CSMD2: variants seen among roughly 807,000 people sequenced by gnomAD.
CSMD2 encodes the protein CUB and Sushi multiple domains 2, also known as CUB and sushi domain-containing protein 2.
In CSMD2, 130 loss-of-function variants were observed where a neutral mutation model predicts 398.5. That is an observed-to-expected ratio of 0.33 (90% CI 0.28 to 0.38). The LOEUF is 0.38. CSMD2 is among the 10% of genes least tolerant of loss of function. The pLI is 1.00. For missense variants in CSMD2, 3,829 were observed against 4,764.9 expected, an observed-to-expected ratio of 0.80 and a Z score of 5.78; for synonymous variants, 1,828 against 1,908.5, an observed-to-expected ratio of 0.96 and a Z score of 1.10.
intron 1 of CSMD2, among the ~76,000 whole-genome samples, chr1:34,150,079 C>CTTTTTTCTTTT (rs1640154825): frequency 7.2e-6 from 1 of 138,090 alleles, no homozygotes. Context: ...TTTCTTCTTT[C>CTTTTTTCTTTT]TTTTTTTTTT....
chr1:33,758,435 G>A (rs1649342085), intron 13 of CSMD2, among the ~76,000 whole-genome samples: 2 of 152,160 alleles, frequency 1.3e-5, no homozygotes. Flanking sequence ...TCTCACTCCA[G>A]CTGTGTTGGC....
At chr1:33,569,112 G>A (rs941343560) in intron 52 of CSMD2, among the ~76,000 whole-genome samples, 1 of 152,068 alleles carries the variant, frequency 6.6e-6, no homozygotes, top group Admixed American at 6.5e-5. Context: ...CAATAGGAAG[G>A]GATTGTCTTT....
intron 1 of CSMD2, among the ~76,000 whole-genome samples, chr1:34,150,985 G>A (rs547742113): frequency 9.2e-5 from 14 of 152,150 alleles, no homozygotes; most frequent in Non-Finnish European, 1.9e-4. Flanking sequence ...CTGATAAAGG[G>A]GGGGCGGGGG....
intron 25 of CSMD2, among the ~76,000 whole-genome samples, chr1:33,681,599 G>C (rs2149068165): frequency 6.6e-6 from 1 of 152,184 alleles, no homozygotes; most frequent in African/African-American, 2.4e-5. Flanking sequence ...ATCTCAGTTG[G>C]CTAAAAATTG....
chr1:33,647,215 C>T (rs1460448075), intron 28 of CSMD2, among the ~76,000 whole-genome samples: 8 of 152,194 alleles, frequency 5.3e-5, no homozygotes, highest in African/African-American at 1.9e-4. Context: ...ATACTGTGCT[C>T]TTCTGAACCT....
At chr1:33,699,166 A>C (rs1313235717) in intron 23 of CSMD2, among the ~76,000 whole-genome samples, 2 of 152,174 alleles carry the variant, frequency 1.3e-5, no homozygotes, top group Non-Finnish European at 2.9e-5. Context: ...TTCTGCTTTT[A>C]ATAGTTTTCA....
intron 3 of CSMD2, among the ~76,000 whole-genome samples, chr1:33,937,567 C>G (rs1373079938): frequency 6.6e-6 from 1 of 152,206 alleles, no homozygotes; most frequent in Non-Finnish European, 1.5e-5. Context: ...CCTCTACCAG[C>G]TCTGATGATC....
At chr1:33,714,799 G>T in intron 20 of CSMD2, 24 bp from the exon 21 acceptor site, 1 of 1,611,248 alleles carries the variant, frequency 6.2e-7, no homozygotes, top group Non-Finnish European at 8.5e-7. Context: ...AGGAGATCCG[G>T]GCTCAGAGAC....
intron 1 of CSMD2, among the ~76,000 whole-genome samples, chr1:34,144,437 G>C (rs1024578848): frequency 6.6e-6 from 1 of 152,128 alleles, no homozygotes; most frequent in African/African-American, 2.4e-5. Flanking sequence ...GGGCATTTGT[G>C]GGGAAATAAC....
At chr1:33,725,162 T>G (rs1464492352) in intron 17 of CSMD2, among the ~76,000 whole-genome samples, 187 bp downstream of exon 17, 1 of 152,108 alleles carries the variant, frequency 6.6e-6, no homozygotes, top group East Asian at 1.9e-4. Context: ...AACTCTAAGC[T>G]CCCATGACCT....
At chr1:33,772,854 T>G (rs1015245366) in intron 12 of CSMD2, 103 bp from the exon 13 acceptor site, 8 of 959,018 alleles carry the variant, frequency 8.3e-6, no homozygotes, top group Non-Finnish European at 1.1e-5. Flanking sequence ...CTGCCATAAG[T>G]CAGTGCTCAG....
At chr1:33,565,094 C>T (rs185321148) in intron 53 of CSMD2, among the ~76,000 whole-genome samples, 1 of 152,332 alleles carries the variant, frequency 6.6e-6, no homozygotes, top group African/African-American at 2.4e-5. Context: ...AGAGTTACTT[C>T]TCATGGTTCT....
chr1:33,582,309 A>T (rs997215384), intron 47 of CSMD2, among the ~76,000 whole-genome samples: 1 of 152,224 alleles, frequency 6.6e-6, no homozygotes, highest in Non-Finnish European at 1.5e-5. Flanking sequence ...AAGATGGCTC[A>T]TAGAGCATGA....
chr1:34,165,704 A>T (rs754667517), upstream of CSMD2: 12 of 1,591,766 alleles, frequency 7.5e-6, no homozygotes, highest in South Asian at 1.1e-5. Context: ...GTCTGGGAAA[A>T]GGTAACCAAA....
At chr1:33,661,167 G>C (rs1469716985) in intron 26 of CSMD2, among the ~76,000 whole-genome samples, 1 of 152,200 alleles carries the variant, frequency 6.6e-6, no homozygotes, top group Non-Finnish European at 1.5e-5. Flanking sequence ...AAATCTGTGG[G>C]TGAATTTGTC....
intron 4 of CSMD2, among the ~76,000 whole-genome samples, chr1:33,923,887 TCCTGTCCATGGAAACA>T: frequency 6.6e-6 from 1 of 152,104 alleles, no homozygotes; most frequent in Non-Finnish European, 1.5e-5. Context: ...ATCCCCCACC[TCCTGTCCATGGAAACA>T]TTGTCTTCCA....
Position 33,709,107 on chromosome 1 carries a change from G to A in CSMD2, c.3558C>T (p.Ser1186=), listed in dbSNP as rs749524000. ...IQLKARAFEL[S]EGDVLKVYDG... ...ATTTTACCTTGAGGACATCTCCTTC[G>A]GAGAGTTCGAATGCCCTGGCTTTCA... Residue 1186 remains serine (S), a synonymous_variant, in exon 22 of 71, where the codon TCC becomes TCT. Coordinates refer to ENST00000373381, the MANE Select transcript of CSMD2 (RefSeq NM_001281956.2). 6.8e-6 allele frequency: 11 copies of A among 1,613,256 alleles called. No homozygotes were observed. Among genetic ancestry groups the A allele is most frequent in the Middle Eastern group, 1.6e-4 (1 of 6,076 alleles).
chr1:33,676,487 A>G (rs1416665226), intron 25 of CSMD2, among the ~76,000 whole-genome samples: 1 of 152,240 alleles, frequency 6.6e-6, no homozygotes, highest in African/African-American at 2.4e-5. Flanking sequence ...AGAACATTCC[A>G]TGCTCATGGG....
intron 13 of CSMD2, among the ~76,000 whole-genome samples, chr1:33,759,716 G>A (rs145261940): frequency 3.2e-3 from 491 of 152,226 alleles, no homozygotes; most frequent in Admixed American, 4.7e-3. Context: ...ATCCCTCTTG[G>A]CATGGCATTC....
Sources: allele counts gnomAD v4.1 joint callset (sites outside exome capture counted in the v4.1 genomes callset), GRCh38; gene constraint gnomAD v4.1.1; transcripts MANE v1.5; gene names NCBI Gene and HGNC (gene_info 2026-07-23, HGNC 2026-07-21).